EPC1: variants seen among roughly 807,000 people sequenced by gnomAD.
EPC1 encodes the protein enhancer of polycomb homolog 1.
In EPC1, 12 loss-of-function variants were observed where a neutral mutation model predicts 98.4. The ratio of observed to expected loss-of-function variants is 0.12; its 90% CI spans 0.08 to 0.20. EPC1 has a LOEUF of 0.20. Ranked by LOEUF, EPC1 falls within the 10% of genes least tolerant of loss-of-function variation. EPC1 has a pLI of 1.00. For missense variants in EPC1, 729 were observed against 990.5 expected, an observed-to-expected ratio of 0.74 and a Z score of 3.54; for synonymous variants, 357 against 363.9, an observed-to-expected ratio of 0.98 and a Z score of 0.21.
chr10:32,314,869 T>C (rs1183893421), intron 1 of EPC1, among the ~76,000 whole-genome samples: 3 of 152,248 alleles, frequency 2.0e-5, no homozygotes, highest in Non-Finnish European at 4.4e-5. Flanking sequence ...TCGCCATTCC[T>C]CATGCTCTCA....
intron 10 of EPC1, chr10:32,274,149 CACAT>C (rs1835968543): frequency 6.8e-6 from 1 of 147,614 alleles, no homozygotes; most frequent in Non-Finnish European, 1.5e-5. Context: ...AAAAAAAAAG[CACAT>C]ACAATCACAA....
Position 32,293,120 on chromosome 10 carries a change from C to A in EPC1, c.534G>T (p.Trp178Cys), listed in dbSNP as rs868474803. ...DELIREVYEY[W>C]IKKRKNCRGP... Reference sequence around the variant, plus strand: ...CTCGACAGTTTTTTCTCTTTTTAATCCAATATTCATAAACTTCTCTAATTA... The same window carrying A: ...CTCGACAGTTTTTTCTCTTTTTAATACAATATTCATAAACTTCTCTAATTA... Residue 178 changes from tryptophan (W) to cysteine (C), a missense_variant, in exon 4 of 14, where the codon TGG (tryptophan) becomes TGT (cysteine). Physicochemically the swap from Trp to Cys is radical, Grantham distance 215. This residue lies in a region of EPC1 where 94 missense variants were observed against 125.1 expected (regional missense o/e 0.75). Transcript: ENST00000319778. 1 of 1,613,322 alleles carries A rather than the reference C, an allele frequency of 6.2e-7. No individual in the cohort carries two copies. Among genetic ancestry groups the A allele is most frequent in the Non-Finnish European group, 8.5e-7 (1 of 1,179,580 alleles).
chr10:32,307,626 T>C (rs1361548461), intron 1 of EPC1, among the ~76,000 whole-genome samples: 2 of 152,180 alleles, frequency 1.3e-5, no homozygotes, highest in African/African-American at 4.8e-5. Flanking sequence ...TTTATGTGTG[T>C]ATATGGGGTG....
chr10:32,286,935 C>T lies in EPC1; in HGVS notation c.1233G>A (p.Gln411=), dbSNP rs748377616. 1 of 1,613,524 alleles carries T rather than the reference C, an allele frequency of 6.2e-7. No homozygotes were observed. Among genetic ancestry groups the T allele is most frequent in the South Asian group, 1.1e-5 (1 of 91,010 alleles). The part of the protein sequence containing the change: ...PFAFRRKAGC[Q]YYAPHLDQTG... ...ACACTCTGAAACTTACAGCATAGTA[C>T]TGACAGCCTGCTTTCCTACGGAAAG... The change falls in exon 8 of 14, where the codon CAG becomes CAA. Residue 411 remains glutamine, a synonymous_variant. Transcript: ENST00000319778.
In EPC1 at chr10:32,293,207, C is replaced by T; in HGVS notation, c.460-13G>A. The stretch of plus-strand genomic sequence containing the variant: ...GCAGACTGACTGGCTAAATGTAAAA[C>T]CATTATGTCATTTTCATACAATACA... On this transcript the variant is annotated splice_polypyrimidine_tract_variant and intron_variant, in intron 3 of 13. Transcript: ENST00000319778. 6.3e-7 allele frequency: 1 copy of T among 1,590,382 alleles called. No individual in the cohort carries two copies.
intron 1 of EPC1, among the ~76,000 whole-genome samples, chr10:32,318,971 T>G (rs1338363466): frequency 6.6e-6 from 1 of 152,186 alleles, no homozygotes; most frequent in Non-Finnish European, 1.5e-5. Context: ...AGCTAATTCC[T>G]CCAGTTCAAC....
At chr10:32,295,440 T>C (rs975376983) in intron 2 of EPC1, among the ~76,000 whole-genome samples, 1 of 152,234 alleles carries the variant, frequency 6.6e-6, no homozygotes, top group Admixed American at 6.5e-5. Flanking sequence ...TTGACCTATA[T>C]CACTTCTATA....
At chr10:32,339,513 C>G (rs1028578636) in intron 1 of EPC1, among the ~76,000 whole-genome samples, 1 of 152,130 alleles carries the variant, frequency 6.6e-6, no homozygotes, top group African/African-American at 2.4e-5. Context: ...CCACTGCACT[C>G]CAGCCTGGGT....
intron 1 of EPC1, among the ~76,000 whole-genome samples, chr10:32,371,656 T>C (rs1229922157): frequency 6.6e-6 from 1 of 152,134 alleles, no homozygotes; most frequent in Non-Finnish European, 1.5e-5. Context: ...CCCAGCACTT[T>C]GGGAGGCCGA....
intron 10 of EPC1, chr10:32,283,734 G>T (rs1378670248): frequency 6.6e-6 from 1 of 152,200 alleles, no homozygotes; most frequent in African/African-American, 2.4e-5. Context: ...GACTGTTTAT[G>T]TTATTGGTAA....
intron 10 of EPC1, among the ~76,000 whole-genome samples, chr10:32,274,660 C>A (rs1335909755): frequency 1.3e-5 from 2 of 152,102 alleles, no homozygotes; most frequent in East Asian, 3.8e-4. Flanking sequence ...TAGTTGATAT[C>A]TTCCCTTTGA....
intron 10 of EPC1, among the ~76,000 whole-genome samples, chr10:32,280,305 A>G (rs964306088): frequency 2.0e-5 from 3 of 151,986 alleles, no homozygotes; most frequent in African/African-American, 7.3e-5. Flanking sequence ...TACAAAAATT[A>G]GCTGGGTGTG....
At chr10:32,347,870 G>GCTTA (rs1414917826), upstream of EPC1, among the ~76,000 whole-genome samples, 1 of 152,204 alleles carries the variant, frequency 6.6e-6, no homozygotes, top group Non-Finnish European at 1.5e-5. Flanking sequence ...CACGCATTGG[G>GCTTA]CTTAATATAA....
Position 32,347,070 on chromosome 10 carries a change from A to G in EPC1, c.-155T>C. 6 of 1,455,152 alleles carry G rather than the reference A, an allele frequency of 4.1e-6. No individual in the cohort carries two copies. The highest frequency in any genetic ancestry group is 5.4e-6 in the Non-Finnish European group (6 of 1,109,942). The allele number at this position is 1,455,152 out of a possible 1,614,324, so 90.1% of individuals were successfully genotyped here. On this transcript the variant is annotated 5_prime_UTR_variant, in exon 1 of 14. Coordinates refer to ENST00000319778, the MANE Select transcript of EPC1 (RefSeq NM_001272004.3). The stretch of plus-strand genomic sequence containing the variant: ...CGTCCGGGCACTAACACCAGCCGGG[A>G]GGGTGGGAGGCTGTGCCGCTCCGCT...
At chr10:32,295,426 T>A (rs568340601) in intron 2 of EPC1, among the ~76,000 whole-genome samples, 2 of 152,350 alleles carry the variant, frequency 1.3e-5, no homozygotes, top group Non-Finnish European at 2.9e-5. Context: ...TTTTATTTTT[T>A]ATTTTGACCT....
chr10:32,293,011 T>A lies in EPC1; in HGVS notation c.643A>T (p.Thr215Ser). ...ACTTTTCGAGTCTGCATTTTTTCAG[T>A]ACGCCTTCTAAAAGCCACATAAGGA... The part of the protein sequence containing the change: ...NDPYVAFRRR[T>S]EKMQTRKNRK... Residue 215 changes from threonine to serine, a missense_variant, in exon 4 of 14, where the codon ACT becomes TCT. Physicochemically the swap from Thr to Ser is moderately conservative, Grantham distance 58 (BLOSUM62 1). Around this residue, in one of 6 missense-constraint regions of EPC1, gnomAD observed 39 missense variants for 94.9 expected, o/e 0.41. Transcript: ENST00000319778. The A allele has an allele frequency of 6.3e-7, 1 of 1,593,432 alleles. No individual in the cohort carries two copies. Among genetic ancestry groups the A allele is most frequent in the Non-Finnish European group, 8.5e-7 (1 of 1,170,084 alleles).
At chr10:32,308,344 T>C (rs1035263137) in intron 1 of EPC1, among the ~76,000 whole-genome samples, 10 of 151,422 alleles carry the variant, frequency 6.6e-5, no homozygotes, top group African/African-American at 2.4e-4. Context: ...GAGCCGAGAC[T>C]GCACCGCTGC....
At chr10:32,325,718 C>CA (rs990120875) in intron 1 of EPC1, among the ~76,000 whole-genome samples, 8 of 150,172 alleles carry the variant, frequency 5.3e-5, no homozygotes, top group Admixed American at 4.0e-4. Flanking sequence ...CAAATGTAGG[C>CA]AAAAAAAGAG....
chr10:32,348,928 T>G (rs1354803283), upstream of EPC1, among the ~76,000 whole-genome samples: 1 of 152,162 alleles, frequency 6.6e-6, no homozygotes, highest in African/African-American at 2.4e-5. Flanking sequence ...TGAGTAAAAT[T>G]ATGTAGGATA....
Sources: gnomAD v4.1 joint callset for allele counts (sites outside exome capture counted in the v4.1 genomes callset) on GRCh38, gnomAD v4.1.1 for gene constraint, gnomAD v4.1.1 regional missense constraint, MANE v1.5 for transcripts, NCBI Gene and HGNC (gene_info 2026-07-23, HGNC 2026-07-21) for gene names.